The following IGSF10 variants were observed in gnomAD, a reference collection of about 807,000 sequenced individuals.
IGSF10 encodes the protein immunoglobulin superfamily member 10.
In IGSF10, 126 loss-of-function variants were observed where a neutral mutation model predicts 128.2. The ratio of observed to expected loss-of-function variants is 0.98; its 90% CI spans 0.85 to 1.14. The LOEUF is 1.14. IGSF10 is among the 50% of genes most tolerant of loss of function. IGSF10 has a pLI of 0.00. For synonymous variants in IGSF10, 1,185 were observed against 1,146.2 expected, an observed-to-expected ratio of 1.03 and a Z score of -0.68; for missense variants, 3,295 against 3,149.8, an observed-to-expected ratio of 1.05 and a Z score of -1.10.
chr3:151,617,332 T>C, the IGSF10 span, among the ~76,000 whole-genome samples: 4 of 136,328 alleles, frequency 2.9e-5, no homozygotes, highest in Non-Finnish European at 6.3e-5. Flanking sequence ...CTCCTCCTCC[T>C]CCCCCTCCTC....
At chr3:151,520,705 C>A in the IGSF10 span, among the ~76,000 whole-genome samples, 1 of 151,666 alleles carries the variant, frequency 6.6e-6, no homozygotes, top group African/African-American at 2.4e-5. Flanking sequence ...ACCACCACAC[C>A]TACTTACAAG....
the IGSF10 span, among the ~76,000 whole-genome samples, chr3:151,553,068 A>G: frequency 6.6e-6 from 1 of 152,340 alleles, no homozygotes; most frequent in East Asian, 1.9e-4. Flanking sequence ...CTGAAAATAT[A>G]ATAAATGTAG....
At chr3:151,615,964 G>GTTTT in the IGSF10 span, among the ~76,000 whole-genome samples, 9,606 of 131,992 alleles carry the variant, frequency 0.073, 383 homozygotes, top group Non-Finnish European at 0.1. Flanking sequence ...GTTTTTTGAG[G>GTTTT]TTTTTTTTTT....
rs753813780 is a variant in IGSF10, at chr3:151,457,123, T to C, written c.227A>G (p.Asp76Gly). The change falls in exon 4 of 8, where the codon GAT (aspartate) becomes GGT (glycine). Residue 76 changes from aspartate (D) to glycine (G), a missense_variant. By Grantham distance (94) the Asp-to-Gly change is moderately conservative (BLOSUM62 -1). Transcript: ENST00000282466. ...CTCCAGTTTGGTCAGGCCAGAAAAA[T>C]CTGTTTCCATCAATCTAACCAAGCT... ...YNSLVRLMET[D>G]FSGLTKLELL... 1 of 1,614,036 alleles carries C rather than the reference T, an allele frequency of 6.2e-7. No homozygotes were observed. Among genetic ancestry groups the C allele is most frequent in the Non-Finnish European group, 8.5e-7 (1 of 1,179,896 alleles).
At chr3:151,538,275 T>C in the IGSF10 span, among the ~76,000 whole-genome samples, 2 of 152,202 alleles carry the variant, frequency 1.3e-5, no homozygotes, top group East Asian at 3.9e-4. Context: ...TAGAAGTTCA[T>C]TATTGCCCAC....
chr3:151,551,766 C>A, the IGSF10 span, among the ~76,000 whole-genome samples: 1 of 151,784 alleles, frequency 6.6e-6, no homozygotes, highest in Admixed American at 6.6e-5. Context: ...TTAAGGCATT[C>A]TATTCTTGCA....
At chr3:151,516,015 C>G in the IGSF10 span, among the ~76,000 whole-genome samples, 1 of 152,080 alleles carries the variant, frequency 6.6e-6, no homozygotes, top group East Asian at 1.9e-4. Flanking sequence ...TTCATTTTCA[C>G]CAGATAAAGA....
the IGSF10 span, among the ~76,000 whole-genome samples, chr3:151,555,682 A>T: frequency 6.6e-6 from 1 of 152,166 alleles, no homozygotes; most frequent in Non-Finnish European, 1.5e-5. Flanking sequence ...TAAAGGAACA[A>T]ATGTAAGAAG....
At chr3:151,442,468 C>T (rs1426976364) in intron 7 of IGSF10, among the ~76,000 whole-genome samples, 1 of 149,428 alleles carries the variant, frequency 6.7e-6, no homozygotes, top group East Asian at 2.0e-4. Flanking sequence ...CAACCTCTGC[C>T]TTCCAGGTTC....
chr3:151,432,945 A>C (rs1719700243), downstream of IGSF10: 3 of 600,790 alleles, frequency 5.0e-6, no homozygotes, highest in Non-Finnish European at 5.5e-6. Flanking sequence ...ATCTCACAAA[A>C]AAAAAAAAAG....
At chr3:151,583,246 T>C in the IGSF10 span, among the ~76,000 whole-genome samples, 5 of 152,148 alleles carry the variant, frequency 3.3e-5, no homozygotes, top group African/African-American at 1.2e-4. Flanking sequence ...GGGTTTAATT[T>C]GTTATCTTTT....
chr3:151,522,384 C>T, the IGSF10 span, among the ~76,000 whole-genome samples: 1 of 152,066 alleles, frequency 6.6e-6, no homozygotes, highest in African/African-American at 2.4e-5. Context: ...GGCAGAGACA[C>T]AACTGAAAAA....
rs1195783761 is a variant in IGSF10, at chr3:151,437,669, A to G, written c.6892T>C (p.Leu2298=). ...GAAAGCCTCACATTCCTAATTTCCA[A>G]GGTTCCATTTTTATGGACTGTGATT... ...SRITVHKNGT[L]EIRNVRLSDS... is the part of the protein sequence containing the mutation. Residue 2298 remains leucine (L), a synonymous_variant, in exon 8 of 8, where the codon TTG becomes CTG. Transcript: ENST00000282466. 1.9e-6 allele frequency: 3 copies of G among 1,614,158 alleles called. No individual in the cohort carries two copies. Among genetic ancestry groups the G allele is most frequent in the South Asian group, 1.1e-5 (1 of 91,082 alleles).
intron 7 of IGSF10, among the ~76,000 whole-genome samples, chr3:151,441,836 C>T (rs948223821): frequency 2.0e-5 from 3 of 152,238 alleles, no homozygotes; most frequent in Non-Finnish European, 2.9e-5. Flanking sequence ...CTAAGGCGGG[C>T]AGATCACGAG....
intron 5 of IGSF10, among the ~76,000 whole-genome samples, chr3:151,450,001 G>A (rs1721435022): frequency 6.6e-6 from 1 of 152,192 alleles, no homozygotes; most frequent in East Asian, 1.9e-4. Context: ...ATGCACTAGA[G>A]CAGGTTCAGG....
chr3:151,551,748 T>C, the IGSF10 span, among the ~76,000 whole-genome samples: 23 of 152,030 alleles, frequency 1.5e-4, no homozygotes, highest in Non-Finnish European at 3.2e-4. Context: ...TAAAATATTT[T>C]AATTAATTTA....
At chr3:151,591,395 T>A in the IGSF10 span, among the ~76,000 whole-genome samples, 20 of 146,870 alleles carry the variant, frequency 1.4e-4, 1 homozygote, top group South Asian at 4.0e-3. Context: ...ATATAAAAAA[T>A]ATATAAATAT....
In IGSF10 at chr3:151,445,537, T is replaced by C. The variant is rs745514986; in HGVS notation, c.4444A>G (p.Thr1482Ala). 1.4e-5 allele frequency: 23 copies of C among 1,613,968 alleles called. No homozygotes were observed. The South Asian group carries it at 2.4e-4, about 17-fold the overall frequency. ...LMPVPISPPFTQRAVTDNVAT... is the reference protein window; with the variant it reads ...LMPVPISPPFAQRAVTDNVAT... ...ACGTTGTCAGTAACTGCTCTCTGAG[T>C]AAAGGGAGGGGAGATGGGAACTGGC... The change falls in exon 6 of 8, where the codon ACT becomes GCT. Residue 1482 changes from threonine to alanine, a missense_variant. By Grantham distance (58) the Thr-to-Ala change is moderately conservative. Transcript: ENST00000282466.
chr3:151,433,701 C>T (rs982523412), downstream of IGSF10: 5 of 152,646 alleles, frequency 3.3e-5, no homozygotes, highest in Non-Finnish European at 5.9e-5. Context: ...GCTTGAGATT[C>T]CAGTGCTCAC....
Sources: gnomAD v4.1 joint callset for allele counts (sites outside exome capture counted in the v4.1 genomes callset) on GRCh38, gnomAD v4.1.1 for gene constraint, MANE v1.5 for transcripts, NCBI Gene and HGNC (gene_info 2026-07-23, HGNC 2026-07-21) for gene names.